The following ZNF385D variants were observed in gnomAD, a reference collection of about 807,000 sequenced individuals.
ZNF385D encodes the protein zinc finger protein 659.
A neutral mutation model predicts 35.8 loss-of-function variants in ZNF385D; 15 were observed. That is an observed-to-expected ratio of 0.42 (90% CI 0.28 to 0.64). ZNF385D has a LOEUF of 0.64. Ranked by LOEUF, ZNF385D falls within the 30% of genes least tolerant of loss-of-function variation. The pLI is 0.23. For missense variants in ZNF385D, 474 were observed against 494.6 expected (o/e 0.96, Z 0.39); for synonymous variants, 212 against 186.8 (o/e 1.13, Z -1.10).
chr3:21,583,331 G>A (rs556454606), intron 2 of ZNF385D, among the ~76,000 whole-genome samples: 2 of 152,124 alleles, frequency 1.3e-5, no homozygotes, highest in African/African-American at 4.8e-5. Context: ...AATACATTTT[G>A]TATTTCCCAT....
intron 2 of ZNF385D, among the ~76,000 whole-genome samples, chr3:22,219,100 C>T (rs575535819): frequency 2.8e-4 from 42 of 152,196 alleles, no homozygotes; most frequent in East Asian, 1.2e-3. Context: ...TCTATGGTGA[C>T]GATCTGTTAC....
intron 2 of ZNF385D, among the ~76,000 whole-genome samples, chr3:22,246,398 T>A (rs1699785340): frequency 6.6e-6 from 1 of 152,046 alleles, no homozygotes; most frequent in African/African-American, 2.4e-5. Context: ...TTACTCAACA[T>A]CAGCAAATAT....
intron 1 of ZNF385D, among the ~76,000 whole-genome samples, chr3:21,708,263 A>G (rs1197075698): frequency 6.6e-6 from 1 of 152,214 alleles, no homozygotes; most frequent in South Asian, 2.1e-4. Context: ...AGAACTTATT[A>G]TGTTCTAGGC....
chr3:21,501,295 A>G (rs1706343585), intron 4 of ZNF385D, among the ~76,000 whole-genome samples: 1 of 152,020 alleles, frequency 6.6e-6, no homozygotes, highest in South Asian at 2.1e-4. Flanking sequence ...TAAAATCACT[A>G]CATGTGTGTC....
intron 3 of ZNF385D, among the ~76,000 whole-genome samples, chr3:22,073,946 G>T (rs1700346942): frequency 1.3e-5 from 2 of 151,818 alleles, no homozygotes; most frequent in Admixed American, 1.3e-4. Context: ...GTATTAAAAG[G>T]AACATCATTA....
chr3:22,367,446 C>T (rs1039937485), intron 2 of ZNF385D, among the ~76,000 whole-genome samples: 1 of 152,156 alleles, frequency 6.6e-6, no homozygotes, highest in African/African-American at 2.4e-5. Flanking sequence ...TATGAAGTTA[C>T]TGTGAATGTA....
intron 3 of ZNF385D, among the ~76,000 whole-genome samples, chr3:21,560,142 T>C (rs958027629): frequency 2.0e-5 from 3 of 152,226 alleles, no homozygotes; most frequent in Admixed American, 2.0e-4. Context: ...TTACCCACCT[T>C]CTGAAGCCTA....
intron 3 of ZNF385D, among the ~76,000 whole-genome samples, chr3:21,990,778 T>C (rs1695105065): frequency 1.3e-5 from 2 of 152,240 alleles, no homozygotes; most frequent in Admixed American, 6.5e-5. Flanking sequence ...GAAACACTTA[T>C]TGCTAACTCA....
At chr3:22,259,098 C>G (rs936206049) in intron 2 of ZNF385D, among the ~76,000 whole-genome samples, 1 of 151,876 alleles carries the variant, frequency 6.6e-6, no homozygotes, top group African/African-American at 2.4e-5. Flanking sequence ...GGCTACCTTG[C>G]TCTTTGAGTA....
chr3:22,183,780 G>T (rs1291858126), intron 2 of ZNF385D, among the ~76,000 whole-genome samples: 2 of 151,582 alleles, frequency 1.3e-5, no homozygotes, highest in Non-Finnish European at 2.9e-5. Context: ...AATGGAACTT[G>T]GCAAAATGGA....
At chr3:21,889,012 G>C (rs1032882392) in intron 3 of ZNF385D, among the ~76,000 whole-genome samples, 7 of 152,240 alleles carry the variant, frequency 4.6e-5, no homozygotes, top group African/African-American at 1.7e-4. Context: ...GACTTCTTCA[G>C]AGAGTAGACT....
intron 1 of ZNF385D, among the ~76,000 whole-genome samples, chr3:21,675,606 A>G (rs979684865): frequency 3.9e-5 from 6 of 152,124 alleles, no homozygotes; most frequent in African/African-American, 1.4e-4. Context: ...GAAAAAATGT[A>G]TAAACAAAAA....
At chr3:22,345,292 T>G (rs1011595573) in intron 2 of ZNF385D, among the ~76,000 whole-genome samples, 2 of 152,214 alleles carry the variant, frequency 1.3e-5, no homozygotes, top group Non-Finnish European at 2.9e-5. Context: ...TTTCCAACTC[T>G]TCAGTCTATT....
chr3:21,538,951 G>A (rs532666830), intron 3 of ZNF385D, among the ~76,000 whole-genome samples: 1 of 152,080 alleles, frequency 6.6e-6, no homozygotes, highest in African/African-American at 2.4e-5. Flanking sequence ...TGTGGCTAAA[G>A]TTTAAAAGTT....
At chr3:21,877,364 G>A (rs181835515) in intron 3 of ZNF385D, among the ~76,000 whole-genome samples, 11 of 152,148 alleles carry the variant, frequency 7.2e-5, no homozygotes, top group African/African-American at 2.2e-4. Context: ...CAATTCAAGA[G>A]CAGATGCCCT....
chr3:21,925,153 T>G (rs1020411278), intron 3 of ZNF385D, among the ~76,000 whole-genome samples: 3 of 152,140 alleles, frequency 2.0e-5, no homozygotes, highest in Admixed American at 6.5e-5. Context: ...TACAATTATT[T>G]TGAAATATAT....
At chr3:21,855,131 C>T (rs1696634755) in intron 3 of ZNF385D, among the ~76,000 whole-genome samples, 1 of 151,930 alleles carries the variant, frequency 6.6e-6, no homozygotes, top group Non-Finnish European at 1.5e-5. Flanking sequence ...CATTACTACT[C>T]CCCACACCCA....
At chr3:22,103,809 C>T (rs73139402) in intron 3 of ZNF385D, among the ~76,000 whole-genome samples, 22,417 of 151,774 alleles carry the variant, frequency 0.15, 2,066 homozygotes, top group African/African-American at 0.26. Flanking sequence ...GCAAACTATG[C>T]CTTACCATAG....
chr3:22,368,509 G>C (rs1292135977), intron 2 of ZNF385D, among the ~76,000 whole-genome samples: 1 of 152,098 alleles, frequency 6.6e-6, no homozygotes, highest in African/African-American at 2.4e-5. Flanking sequence ...AAAATACTAT[G>C]AACTAGGTAG....
Sources: allele counts gnomAD v4.1 joint callset (sites outside exome capture counted in the v4.1 genomes callset), GRCh38; gene constraint gnomAD v4.1.1; transcripts MANE v1.5; gene names NCBI Gene and HGNC (gene_info 2026-07-23, HGNC 2026-07-21).